The following LIMS2 variants were observed in gnomAD, a reference collection of about 807,000 sequenced individuals.
LIMS2 encodes LIM and senescent cell antigen-like-containing domain protein 2.
Under a neutral mutation model 45.3 loss-of-function variants are expected in LIMS2, and 30 were observed. The ratio of observed to expected loss-of-function variants is 0.66; its 90% CI spans 0.50 to 0.90. The LOEUF (loss-of-function observed/expected upper bound fraction) is 0.90, where lower values mean the gene tolerates loss of function less well. Among genes scored for constraint, LIMS2 ranks in the 40% least tolerant of loss-of-function variants. LIMS2 has a pLI of 0.00. For missense variants in LIMS2, 485 were observed against 468.7 expected, an observed-to-expected ratio of 1.03 and a Z score of -0.32; for synonymous variants, 173 against 188.0, an observed-to-expected ratio of 0.92 and a Z score of 0.65.
chr2:127,678,568 G>A (rs1350710548), upstream of LIMS2, among the ~76,000 whole-genome samples: 2 of 152,196 alleles, frequency 1.3e-5, no homozygotes, highest in Admixed American at 1.3e-4. This position sits in a 1 kb window ranked among gnomAD's most constrained non-coding sequence, Gnocchi z 5.3. Context: ...GGGACATTGA[G>A]AAGGCATCAA....
Position 127,662,683 on chromosome 2 carries a change from A to T in LIMS2, c.12-5121T>A, listed in dbSNP as rs572150080. Among the ~76,000 whole-genome samples the T allele has an allele frequency of 3.5e-4, 52 of 150,464 alleles. 2 individuals carry two copies. The South Asian group carries it at 0.011, about 31-fold the overall frequency. ...GGGGAGGGATAGCATTAGGAGATAT[A>T]CCTAATGCTAAATGACGAGTTAATG... On this transcript the variant is annotated intron_variant, in intron 1 of 9. Transcript: ENST00000355119.
intron 4 of LIMS2, among the ~76,000 whole-genome samples, chr2:127,645,462 C>A (rs972197614): frequency 6.6e-6 from 1 of 152,244 alleles, no homozygotes; most frequent in African/African-American, 2.4e-5. Context: ...CAGCCCGGAG[C>A]CACCCCAGGG....
In LIMS2 at chr2:127,639,191, G is replaced by A; in HGVS notation, c.*90C>T. Reference sequence around the variant, plus strand: ...GAGAAAGGGAGGGTAAGATGCGGAGGGCACAGGTGGATGGGGACGAGGGGG... The same window carrying A: ...GAGAAAGGGAGGGTAAGATGCGGAGAGCACAGGTGGATGGGGACGAGGGGG... On this transcript the variant is annotated 3_prime_UTR_variant, in exon 10 of 10. Coordinates refer to ENST00000355119, the MANE Select transcript of LIMS2 (RefSeq NM_001161403.3). The A allele has an allele frequency of 2.2e-6, 3 of 1,370,714 alleles. No homozygotes were observed. Among genetic ancestry groups the A allele is most frequent in the African/African-American group, 1.4e-5 (1 of 69,350 alleles). 84.9% of individuals were successfully genotyped at this position (1,370,714 alleles called of 1,614,324 possible).
chr2:127,659,535 G>T (rs1228528088), intron 1 of LIMS2, among the ~76,000 whole-genome samples: 1 of 152,192 alleles, frequency 6.6e-6, no homozygotes, highest in African/African-American at 2.4e-5. Context: ...TTTCCTTCCG[G>T]GAGAACACTG....
At chr2:127,644,068 C>T (rs1410018263) in intron 4 of LIMS2, 1 of 456,542 alleles carries the variant, frequency 2.2e-6, no homozygotes, top group Admixed American at 2.3e-5. Context: ...GACCCCAGGA[C>T]CTGCTACTGC....
chr2:127,654,737 G>A, intron 3 of LIMS2, 93 bp downstream of exon 3: 1 of 1,486,636 alleles, frequency 6.7e-7, no homozygotes, highest in South Asian at 1.2e-5. Flanking sequence ...GGAAAGAGCT[G>A]GGCCAGTTCT....
chr2:127,654,493 G>A lies in LIMS2; in HGVS notation c.290C>T (p.Pro97Leu), dbSNP rs768056213. The A allele has an allele frequency of 9.4e-5, 152 of 1,614,012 alleles. No homozygotes were observed. Among genetic ancestry groups the A allele is most frequent in the Non-Finnish European group, 1.2e-4 (140 of 1,180,006 alleles). ...VIKAMNNNWH[P>L]GCFRCELCDV... ...ACACAGCTCGCAGCGGAAGCAGCCC[G>A]GGTGCCAGTTGTTGTTCATGGCCTT... is the stretch of plus-strand genomic sequence containing the variant. Residue 97 changes from proline to leucine, a missense_variant, in exon 4 of 10, where the codon CCG (proline) becomes CTG (leucine). Coordinates refer to ENST00000355119, the MANE Select transcript of LIMS2 (RefSeq NM_001161403.3).
At chr2:127,662,772 A>G (rs1684761617) in intron 1 of LIMS2, among the ~76,000 whole-genome samples, 1 of 152,114 alleles carries the variant, frequency 6.6e-6, no homozygotes, top group African/African-American at 2.4e-5. Flanking sequence ...GTGCACATGT[A>G]CCCTAAAACT....
rs1573809416 is a variant in LIMS2, at chr2:127,654,347, T to C, written c.359+77A>G. On this transcript the variant is annotated intron_variant, in intron 4 of 9. Coordinates refer to ENST00000355119, the MANE Select transcript of LIMS2 (RefSeq NM_001161403.3). ...CCCTTCTGCGCCCTCAGCAAGTGGGTAGCACACAGGAGAGGTGGCAGGTGT... is the reference window on the plus strand; with the variant it reads ...CCCTTCTGCGCCCTCAGCAAGTGGGCAGCACACAGGAGAGGTGGCAGGTGT... The C allele has an allele frequency of 3.8e-6, 6 of 1,593,542 alleles. No individual in the cohort carries two copies. The East Asian group carries it at 1.1e-4, about 30-fold the overall frequency.
chr2:127,657,540 T>G lies in LIMS2; in HGVS notation c.34A>C (p.Asn12His). 6.2e-7 allele frequency: 1 copy of G among 1,607,130 alleles called. No individual in the cohort carries two copies. The highest frequency in any genetic ancestry group is 1.1e-5 in the South Asian group (1 of 89,952). Residue 12 changes from asparagine to histidine, a missense_variant, in exon 2 of 10, where the codon AAC becomes CAC. By Grantham distance (68) the Asn-to-His change is moderately conservative (BLOSUM62 1). Coordinates refer to ENST00000355119, the MANE Select transcript of LIMS2 (RefSeq NM_001161403.3). ...GCCTGGCAGCGCTGGCACACGGCGT[T>G]GGCCAAGGCGTCCGACATATTGCTG... is the stretch of plus-strand genomic sequence containing the variant. ...TGSNMSDALA[N>H]AVCQRCQARF...
At chr2:127,650,663 T>G (rs2105270066) in intron 4 of LIMS2, 1 of 1,282,944 alleles carries the variant, frequency 7.8e-7, no homozygotes, top group South Asian at 1.3e-5. Context: ...TCAGAGAGCG[T>G]GAAGCTGCCT....
At chr2:127,674,834 C>T (rs1685431910) in intron 1 of LIMS2, 180 bp downstream of exon 1, 3 of 985,184 alleles carry the variant, frequency 3.0e-6, no homozygotes, top group Non-Finnish European at 3.6e-6. Flanking sequence ...GGAAGAGGCG[C>T]GGGGGCTGGG....
chr2:127,668,688 AAAAAAAAAAAAAAAAAAAAAAAACAC>A (rs1685137092), intron 1 of LIMS2, among the ~76,000 whole-genome samples: 1 of 131,392 alleles, frequency 7.6e-6, no homozygotes, highest in African/African-American at 3.2e-5. Flanking sequence ...AAAAAAAAAA[AAAAAAAAAAAAAAAAAAAAAAAACAC>A]CTTACTTAAA....
chr2:127,680,146 C>G (rs1483072539), upstream of LIMS2, among the ~76,000 whole-genome samples: 1 of 152,230 alleles, frequency 6.6e-6, no homozygotes, highest in Admixed American at 6.5e-5. Flanking sequence ...GTGAGAACCC[C>G]CCGGGGGGGA....
intron 6 of LIMS2, chr2:127,641,219 G>A (rs1682370046): frequency 5.9e-6 from 3 of 511,296 alleles, no homozygotes; most frequent in Non-Finnish European, 1.1e-5. Context: ...AATGCCCTGG[G>A]GTCAGCAGAC....
chr2:127,671,595 G>A lies in LIMS2; in HGVS notation c.11+3419C>T, dbSNP rs561649018. On this transcript the variant is annotated intron_variant, in intron 1 of 9. Coordinates refer to ENST00000355119, the MANE Select transcript of LIMS2 (RefSeq NM_001161403.3). This position sits in a 1 kb window ranked among gnomAD's most constrained non-coding sequence, Gnocchi z 4.1. ...TGACTGTTAACTATTCAGGAATTCC[G>A]TAAAGCGTTAATGCCATGTTGGTGG... Among the ~76,000 whole-genome samples the A allele has an allele frequency of 3.9e-5, 6 of 152,318 alleles. No homozygotes were observed. Among genetic ancestry groups the A allele is most frequent in the Admixed American group, 6.5e-5 (1 of 15,298 alleles).
At chr2:127,640,460 G>A in intron 7 of LIMS2, 142 bp from the exon 8 acceptor site, 1 of 887,106 alleles carries the variant, frequency 1.1e-6, no homozygotes, top group South Asian at 1.5e-5. Flanking sequence ...CTGCAAGGCT[G>A]GGTTGAGGGC....
Position 127,642,022 on chromosome 2 carries a change from GGCCACGTGTCCACCA to G in LIMS2, c.660+12_660+26del. 6.2e-7 allele frequency: 1 copy of G among 1,606,896 alleles called. No individual in the cohort carries two copies. Among genetic ancestry groups the G allele is most frequent in the African/African-American group, 1.3e-5 (1 of 74,898 alleles). ...TGAGCTGGGGCACCCCCCAACCTGA[GGCCACGTGTCCACCA>G]GCCTGGCTCACCTCCACGTGCCACT... On this transcript the variant is annotated intron_variant, in intron 6 of 9. Transcript: ENST00000355119. This position sits in a 1 kb window ranked among gnomAD's most constrained non-coding sequence, Gnocchi z 5.3.
intron 6 of LIMS2, 84 bp downstream of exon 6, chr2:127,641,965 G>A: frequency 1.4e-6 from 2 of 1,469,380 alleles, no homozygotes; most frequent in Non-Finnish European, 1.8e-6. Flanking sequence ...GGCTGGGAGT[G>A]TGGAGGAGCT....
Sources: gnomAD v4.1 joint callset for allele counts (sites outside exome capture counted in the v4.1 genomes callset) on GRCh38, gnomAD v4.1.1 for gene constraint, Gnocchi (gnomAD v3.1) non-coding constraint, MANE v1.5 for transcripts, NCBI Gene and HGNC (gene_info 2026-07-23, HGNC 2026-07-21) for gene names.